SMC1B: variants seen among roughly 807,000 people sequenced by gnomAD.
The protein encoded by SMC1B is structural maintenance of chromosomes 1B.
SMC1B carries 60 observed loss-of-function variants against 157.9 expected under a neutral mutation model. The observed-to-expected ratio is 0.38, with a 90% confidence interval of 0.31 to 0.47. The LOEUF is 0.47. Ranked by LOEUF, SMC1B falls within the 20% of genes least tolerant of loss-of-function variation. The pLI, the probability that SMC1B is intolerant of heterozygous loss-of-function variation, is 0.99. For synonymous variants in SMC1B, 445 were observed against 483.0 expected (o/e 0.92, Z 1.03); for missense variants, 1,165 against 1,426.2 (o/e 0.82, Z 2.95).
intron 12 of SMC1B, 72 bp downstream of exon 12, chr22:45,383,395 T>C (rs1184020588): frequency 8.3e-7 from 1 of 1,200,750 alleles, no homozygotes; most frequent in Non-Finnish European, 1.1e-6. Context: ...ACTGTTATTA[T>C]AAAAAACCCA....
chr22:45,385,265 A>G (rs768081219), intron 11 of SMC1B, among the ~76,000 whole-genome samples: 1 of 152,170 alleles, frequency 6.6e-6, no homozygotes, highest in Non-Finnish European at 1.5e-5. Context: ...GTTTACAGAT[A>G]CTGTATGTAG....
At chr22:45,358,446 A>G (rs975993796) in intron 19 of SMC1B, among the ~76,000 whole-genome samples, 1 of 152,210 alleles carries the variant, frequency 6.6e-6, no homozygotes, top group African/African-American at 2.4e-5. Context: ...AGACAGTGTC[A>G]GAATTGAACT....
intron 17 of SMC1B, 53 bp downstream of exon 17, chr22:45,361,786 G>A: frequency 6.5e-7 from 1 of 1,531,936 alleles, no homozygotes; most frequent in Non-Finnish European, 8.9e-7. Context: ...GATAGTTGGT[G>A]TCCATGTTTA....
intron 21 of SMC1B, among the ~76,000 whole-genome samples, chr22:45,353,162 T>C (rs573114263): frequency 1.3e-5 from 2 of 151,578 alleles, no homozygotes; most frequent in Non-Finnish European, 2.9e-5. Context: ...TCCCAGCTAC[T>C]TGGGAAGCTG....
At chr22:45,402,780 C>A (rs533667590) in intron 4 of SMC1B, among the ~76,000 whole-genome samples, 62 of 152,316 alleles carry the variant, frequency 4.1e-4, no homozygotes, top group Middle Eastern at 3.4e-3. Context: ...TGTGTTCTTG[C>A]GCTCAGTGGT....
Position 45,389,682 on chromosome 22 carries a change from T to C in SMC1B, c.1731+30A>G, listed in dbSNP as rs116787468. The C allele has an allele frequency of 1.9e-3, 2,932 of 1,583,268 alleles. 33 individuals are homozygous for C. In the African/African-American group the frequency reaches 0.032, roughly 17 times the overall value. Reference sequence around the variant, plus strand: ...CTTTAAAAGACAAGATTTTTATCACTATAAATACCAGGCATTACAAAGTTC... The same window carrying C: ...CTTTAAAAGACAAGATTTTTATCACCATAAATACCAGGCATTACAAAGTTC... On this transcript the variant is annotated intron_variant, in intron 10 of 24. Coordinates refer to ENST00000357450, the MANE Select transcript of SMC1B (RefSeq NM_148674.5).
intron 15 of SMC1B, among the ~76,000 whole-genome samples, chr22:45,364,317 T>C (rs1456206125): frequency 6.6e-6 from 1 of 150,590 alleles, no homozygotes; most frequent in Non-Finnish European, 1.5e-5. Flanking sequence ...TCGAGAAACA[T>C]TTTTAAGTAC....
At chr22:45,398,016 C>T (rs549996563) in intron 6 of SMC1B, among the ~76,000 whole-genome samples, 1 of 152,264 alleles carries the variant, frequency 6.6e-6, no homozygotes, top group Admixed American at 6.5e-5. Context: ...GGCAGCTGCC[C>T]CACATGACAG....
chr22:45,408,971 G>A, intron 1 of SMC1B, 73 bp from the exon 2 acceptor site: 1 of 903,306 alleles, frequency 1.1e-6, no homozygotes, highest in Non-Finnish European at 1.6e-6. Context: ...GAAGAAATCA[G>A]GCCACCAATC....
chr22:45,384,889 C>A (rs907788744), intron 11 of SMC1B, among the ~76,000 whole-genome samples: 1 of 152,092 alleles, frequency 6.6e-6, no homozygotes, highest in Non-Finnish European at 1.5e-5. Context: ...TGGTACCCTG[C>A]ACTTTATTCA....
intron 15 of SMC1B, among the ~76,000 whole-genome samples, chr22:45,363,478 C>T (rs988711528): frequency 6.6e-6 from 1 of 152,104 alleles, no homozygotes; most frequent in Non-Finnish European, 1.5e-5. Flanking sequence ...GTCAGGAGTT[C>T]GAGACCAGCC....
At chr22:45,370,108 A>C (rs907544536) in intron 14 of SMC1B, 48 bp from the exon 15 acceptor site, 19 of 1,069,244 alleles carry the variant, frequency 1.8e-5, no homozygotes, top group Non-Finnish European at 2.1e-5. Context: ...ATTTTAAGAA[A>C]TATATAATCT....
At chr22:45,364,640 G>C (rs1195562476) in intron 15 of SMC1B, among the ~76,000 whole-genome samples, 1 of 152,112 alleles carries the variant, frequency 6.6e-6, no homozygotes, top group Non-Finnish European at 1.5e-5. Context: ...CTGCCTGTAG[G>C]AGAGCTTAAG....
At chr22:45,408,961 G>C (rs1305558768) in intron 1 of SMC1B, 63 bp from the exon 2 acceptor site, 1 of 1,011,370 alleles carries the variant, frequency 9.9e-7, no homozygotes, top group Non-Finnish European at 1.4e-6. Flanking sequence ...ACCCAGAGCT[G>C]AAGAAATCAG....
intron 12 of SMC1B, among the ~76,000 whole-genome samples, chr22:45,381,582 A>G (rs1426886691): frequency 2.0e-5 from 3 of 152,226 alleles, no homozygotes; most frequent in African/African-American, 7.2e-5. Flanking sequence ...ACATCAAAAG[A>G]GACGAAGCCC....
intron 17 of SMC1B, among the ~76,000 whole-genome samples, chr22:45,361,012 G>GCCCA (rs2086716356): frequency 6.7e-6 from 1 of 148,446 alleles, no homozygotes; most frequent in African/African-American, 2.5e-5. Flanking sequence ...CACTCTTGTT[G>GCCCA]CCCAGGCTGG....
At chr22:45,401,653 A>T (rs2087195329) in intron 5 of SMC1B, among the ~76,000 whole-genome samples, 1 of 152,226 alleles carries the variant, frequency 6.6e-6, no homozygotes. Flanking sequence ...TCATGCCCTA[A>T]ATCAGACACC....
chr22:45,389,127 C>T lies in SMC1B; in HGVS notation c.1731+585G>A, dbSNP rs945286652. On this transcript the variant is annotated intron_variant, in intron 10 of 24. Coordinates refer to ENST00000357450, the MANE Select transcript of SMC1B (RefSeq NM_148674.5). ...CTAAGGCATGTGCTCTTAACTATTA[C>T]GCAGACTGCCTGCAATTCAGGGTCT... Among the ~76,000 whole-genome samples, 10 of 151,992 alleles carry T rather than the reference C, an allele frequency of 6.6e-5. No individual in the cohort carries two copies. In the East Asian group the frequency reaches 7.7e-4, roughly 12 times the overall value.
intron 22 of SMC1B, among the ~76,000 whole-genome samples, chr22:45,350,855 T>C (rs2086608594): frequency 6.6e-6 from 1 of 152,170 alleles, no homozygotes; most frequent in Non-Finnish European, 1.5e-5. Flanking sequence ...CTTGGCCCAG[T>C]CACCATCGCC....
Sources: gnomAD v4.1 joint callset for allele counts (sites outside exome capture counted in the v4.1 genomes callset) on GRCh38, gnomAD v4.1.1 for gene constraint, MANE v1.5 for transcripts, NCBI Gene and HGNC (gene_info 2026-07-23, HGNC 2026-07-21) for gene names.